The following TRMT11 variants were observed in gnomAD, a reference collection of about 807,000 sequenced individuals.
TRMT11 encodes tRNA (guanine(10)-N(2))-methyltransferase TRMT11.
Under a neutral mutation model 62.8 loss-of-function variants are expected in TRMT11, and 53 were observed. The observed-to-expected ratio is 0.84, with a 90% CI of 0.68 to 1.06. TRMT11 has a LOEUF of 1.06. Among genes scored for constraint, TRMT11 ranks in the 50% least tolerant of loss-of-function variants. TRMT11 has a pLI of 0.00. For missense variants in TRMT11, 556 were observed against 553.4 expected (o/e 1.00, Z -0.05); for synonymous variants, 188 against 190.3 (o/e 0.99, Z 0.10).
At chr6:126,205,217 A>C (rs200771338), downstream of TRMT11, among the ~76,000 whole-genome samples, 18 of 152,332 alleles carry the variant, frequency 1.2e-4, no homozygotes, top group East Asian at 1.9e-3. Context: ...AAAGAAAAAG[A>C]ATTAAGGCCA....
chr6:126,253,419 C>A, the TRMT11 span, among the ~76,000 whole-genome samples: 2 of 152,000 alleles, frequency 1.3e-5, no homozygotes, highest in Non-Finnish European at 2.9e-5. Context: ...AAAATAATGA[C>A]AAAAAGGATA....
intron 12 of TRMT11, among the ~76,000 whole-genome samples, chr6:126,024,192 C>G (rs767366542): frequency 6.6e-6 from 1 of 152,012 alleles, no homozygotes; most frequent in Non-Finnish European, 1.5e-5. Context: ...TTTTATTTAC[C>G]TTATCCAGTT....
intron 12 of TRMT11, among the ~76,000 whole-genome samples, chr6:126,026,325 C>T (rs1427355512): frequency 6.6e-6 from 1 of 152,010 alleles, no homozygotes; most frequent in Non-Finnish European, 1.5e-5. Flanking sequence ...GCCTCTCTAC[C>T]GAAGCATATT....
chr6:126,053,846 A>G (rs999127832), intron 17 of TRMT11, among the ~76,000 whole-genome samples: 1 of 152,236 alleles, frequency 6.6e-6, no homozygotes, highest in Admixed American at 6.5e-5. Context: ...AAGAAGCCTG[A>G]GAGATGACAT....
chr6:125,998,137 G>T lies in TRMT11; in HGVS notation c.294+3G>T, dbSNP rs747550953. On this transcript the variant is annotated splice_donor_region_variant and intron_variant, in intron 4 of 12. Transcript: ENST00000334379. ...AAAACTACCCTGTGGAGAAGATGGTGCGTAGTAAAATGTGGTTTTATATAG... is the reference window on the plus strand; with the variant it reads ...AAAACTACCCTGTGGAGAAGATGGTTCGTAGTAAAATGTGGTTTTATATAG... The T allele has an allele frequency of 6.2e-7, 1 of 1,612,906 alleles. No individual in the cohort carries two copies. The highest frequency in any genetic ancestry group is 1.7e-5 in the Admixed American group (1 of 60,012).
intron 12 of TRMT11, among the ~76,000 whole-genome samples, chr6:126,023,929 T>C (rs1796185961): frequency 6.6e-6 from 1 of 152,170 alleles, no homozygotes; most frequent in Non-Finnish European, 1.5e-5. Context: ...CAATAAAAAC[T>C]AAGTTAATGC....
At chr6:126,241,167 G>A in the TRMT11 span, among the ~76,000 whole-genome samples, 275 of 152,328 alleles carry the variant, frequency 1.8e-3, 1 homozygote, top group Admixed American at 3.8e-3. Context: ...TGGGTGAGGT[G>A]ATGCCTCGCC....
At chr6:126,225,004 G>A in the TRMT11 span, among the ~76,000 whole-genome samples, 2 of 152,150 alleles carry the variant, frequency 1.3e-5, no homozygotes, top group South Asian at 4.1e-4. Flanking sequence ...TGGCCACGAG[G>A]GAGCCTGAGA....
At chr6:126,041,985 A>G (rs1313296633), downstream of TRMT11, among the ~76,000 whole-genome samples, 1 of 152,168 alleles carries the variant, frequency 6.6e-6, no homozygotes, top group Non-Finnish European at 1.5e-5. Flanking sequence ...TCAGATATTT[A>G]TCAAGTAATG....
At chr6:126,197,024 A>G (rs1778674922) in intron 1 of TRMT11, among the ~76,000 whole-genome samples, 1 of 152,200 alleles carries the variant, frequency 6.6e-6, no homozygotes, top group Non-Finnish European at 1.5e-5. Context: ...TTCACTGTGT[A>G]AACTATTTTG....
intron 12 of TRMT11, among the ~76,000 whole-genome samples, chr6:126,024,054 C>A (rs1484623230): frequency 6.6e-6 from 1 of 152,196 alleles, no homozygotes; most frequent in Non-Finnish European, 1.5e-5. Flanking sequence ...GCTCTTGCAT[C>A]ATTTTATAGA....
intron 1 of TRMT11, chr6:125,986,926 A>C (rs1039362944): frequency 5.0e-6 from 2 of 401,068 alleles, no homozygotes; most frequent in Admixed American, 8.9e-5. Context: ...CGTCTAGCGG[A>C]GAATAGAGAC....
intron 21 of TRMT11, among the ~76,000 whole-genome samples, chr6:126,162,148 T>C (rs1778198298): frequency 1.3e-5 from 2 of 152,228 alleles, no homozygotes; most frequent in Non-Finnish European, 2.9e-5. Context: ...GCCTATGTCC[T>C]GAATGGTATT....
At chr6:126,041,928 A>G (rs1775890374), downstream of TRMT11, among the ~76,000 whole-genome samples, 1 of 152,190 alleles carries the variant, frequency 6.6e-6, no homozygotes, top group African/African-American at 2.4e-5. Flanking sequence ...TATTCATAGA[A>G]TAAGTGAAAT....
At chr6:126,067,005 G>A (rs1445855414) in intron 17 of TRMT11, among the ~76,000 whole-genome samples, 1 of 151,864 alleles carries the variant, frequency 6.6e-6, no homozygotes, top group Non-Finnish European at 1.5e-5. Context: ...CGAGGCAGGC[G>A]GATCATGAGG....
chr6:126,142,486 G>C (rs1257403992), intron 21 of TRMT11, among the ~76,000 whole-genome samples: 1 of 151,924 alleles, frequency 6.6e-6, no homozygotes, highest in Non-Finnish European at 1.5e-5. Flanking sequence ...TTGATTTGTA[G>C]GTAGAAATTG....
chr6:126,108,021 A>T (rs907318864), intron 17 of TRMT11, among the ~76,000 whole-genome samples: 2 of 152,202 alleles, frequency 1.3e-5, no homozygotes, highest in African/African-American at 2.4e-5. Flanking sequence ...ATAATGGCAG[A>T]CAGAGCATCT....
At chr6:126,154,284 A>T (rs960922983) in intron 21 of TRMT11, among the ~76,000 whole-genome samples, 1 of 151,418 alleles carries the variant, frequency 6.6e-6, no homozygotes, top group South Asian at 2.1e-4. Flanking sequence ...AATTTTTATG[A>T]TGGTGTTGTC....
chr6:126,116,669 G>T (rs1465401461), intron 21 of TRMT11, among the ~76,000 whole-genome samples: 2 of 152,066 alleles, frequency 1.3e-5, no homozygotes, highest in Admixed American at 6.6e-5. Context: ...TTTAGGATTT[G>T]CTTTTTCAGA....
Sources: allele counts gnomAD v4.1 joint callset (sites outside exome capture counted in the v4.1 genomes callset), GRCh38; gene constraint gnomAD v4.1.1; transcripts MANE v1.5; gene names NCBI Gene and HGNC (gene_info 2026-07-23, HGNC 2026-07-21).